Variants in ARL10 observed in about 807,000 individuals in gnomAD.
ARL10 encodes the protein ADP-ribosylation factor-like protein 10.
Under a neutral mutation model 26.1 loss-of-function variants are expected in ARL10, and 23 were observed. The observed-to-expected ratio is 0.88, with a 90% CI of 0.63 to 1.25. The LOEUF is 1.25. Among genes scored for constraint, ARL10 ranks in the 50% most tolerant of loss-of-function variants. The probability of loss-of-function intolerance (pLI) is 0.00; values close to 1 mark genes in which losing one functional copy is unlikely to be tolerated. For synonymous variants in ARL10, 138 were observed against 149.1 expected (o/e 0.93, Z 0.54); for missense variants, 300 against 323.6 (o/e 0.93, Z 0.56).
At chr5:176,366,623 G>T (rs747684163) in intron 2 of ARL10, 42 bp downstream of exon 2, 2 of 1,605,732 alleles carry the variant, frequency 1.2e-6, no homozygotes, top group South Asian at 2.2e-5. Flanking sequence ...TCCTCTACTG[G>T]ACCAGTCCTG....
At chr5:176,389,054 G>T (rs1756143029), downstream of ARL10, 2 of 1,551,274 alleles carry the variant, frequency 1.3e-6, no homozygotes, top group Middle Eastern at 3.4e-4. Context: ...CAGAGCGCTA[G>T]CGGGGAGCGG....
chr5:176,393,037 G>A (rs1246700495), downstream of ARL10: 6 of 1,406,340 alleles, frequency 4.3e-6, no homozygotes, highest in Non-Finnish European at 6.0e-6. This position sits in a 1 kb window ranked among gnomAD's most constrained non-coding sequence, Gnocchi z 4.4. Flanking sequence ...CTACTCTGGG[G>A]CACTGTGTCC....
chr5:176,384,568 CTT>C (rs1157088155), downstream of ARL10: 5 of 605,210 alleles, frequency 8.3e-6, no homozygotes, highest in Non-Finnish European at 1.4e-5. Flanking sequence ...GGGAGGATCT[CTT>C]GAGCCCAGGA....
the ARL10 span, among the ~76,000 whole-genome samples, chr5:176,408,810 G>A: frequency 6.6e-5 from 10 of 152,198 alleles, no homozygotes; most frequent in Non-Finnish European, 1.3e-4. Flanking sequence ...GTAAGCCGCC[G>A]TGCCCGGCTG....
downstream of ARL10, chr5:176,388,986 G>A (rs576769278): frequency 1.9e-6 from 3 of 1,613,520 alleles, no homozygotes; most frequent in African/African-American, 1.3e-5. Context: ...AAGTGGGTGC[G>A]GTAGGAACTG....
At chr5:176,367,100 C>T (rs1300626096) in intron 2 of ARL10, among the ~76,000 whole-genome samples, 1 of 151,028 alleles carries the variant, frequency 6.6e-6, no homozygotes, top group Non-Finnish European at 1.5e-5. Flanking sequence ...CTCCTCCTCC[C>T]GGGTTCAAGC....
chr5:176,414,348 T>A, the ARL10 span, among the ~76,000 whole-genome samples: 1 of 152,114 alleles, frequency 6.6e-6, no homozygotes, highest in Non-Finnish European at 1.5e-5. Flanking sequence ...AAGCCCTCCA[T>A]TGCTGTCTCA....
chr5:176,409,053 C>T, the ARL10 span, among the ~76,000 whole-genome samples: 5 of 151,838 alleles, frequency 3.3e-5, no homozygotes, highest in Admixed American at 1.3e-4. Flanking sequence ...CTCGGCTCAC[C>T]GCAACCTCCC....
At chr5:176,393,134 C>T (rs1315883351), downstream of ARL10, among the ~76,000 whole-genome samples, 2 of 152,146 alleles carry the variant, frequency 1.3e-5, no homozygotes, top group Non-Finnish European at 2.9e-5. The surrounding 1 kb of genome is among the most constrained non-coding windows in gnomAD (Gnocchi z 4.4). Flanking sequence ...AGGACCTTGG[C>T]ACTTGCTATC....
At chr5:176,388,588 A>C (rs781235569) in exon 2 of ARL10, 32 of 1,535,366 alleles carry the variant, frequency 2.1e-5, no homozygotes, top group Non-Finnish European at 2.9e-5. Flanking sequence ...TCTGTCTCTC[A>C]GACCTCGTGT....
the ARL10 span, among the ~76,000 whole-genome samples, chr5:176,413,364 A>C: frequency 6.6e-6 from 1 of 152,266 alleles, no homozygotes; most frequent in Non-Finnish European, 1.5e-5. Context: ...CAGGCAAGTC[A>C]GAGCCAGGCC....
chr5:176,397,882 C>A, intron 1 of ARL10: 5 of 1,546,230 alleles, frequency 3.2e-6, no homozygotes, highest in Non-Finnish European at 4.5e-6. Context: ...CCACACTCCA[C>A]CCCACACACA....
downstream of ARL10, chr5:176,406,297 G>A: frequency 9.5e-7 from 1 of 1,055,998 alleles, no homozygotes; most frequent in Non-Finnish European, 1.1e-6. Context: ...CAGAAGGCAG[G>A]AGGCGACAGT....
chr5:176,377,819 G>C lies in ARL10; in HGVS notation c.*5924G>C, dbSNP rs973908990. 1.3e-5 allele frequency: 2 copies of C among 152,256 alleles called. No individual in the cohort carries two copies. Among genetic ancestry groups the C allele is most frequent in the African/African-American group, 4.8e-5 (2 of 41,438 alleles). 9.4% of individuals were successfully genotyped at this position (152,256 alleles called of 1,614,324 possible). A position where few individuals can be genotyped will look rare whatever the true frequency, so the allele number is the denominator to read the frequency against. The stretch of plus-strand genomic sequence containing the variant: ...ACTCTGTCACCCAGGCTGGAATGCA[G>C]TGGTGCAATCATGGCTCACTACAAC... On this transcript the variant is annotated 3_prime_UTR_variant, in exon 4 of 4. Coordinates refer to ENST00000310389, the MANE Select transcript of ARL10 (RefSeq NM_173664.6). The surrounding 1 kb of genome is among the most constrained non-coding windows in gnomAD (Gnocchi z 4.5).
chr5:176,400,925 C>T (rs1756785938), intron 1 of ARL10, among the ~76,000 whole-genome samples: 1 of 152,206 alleles, frequency 6.6e-6, no homozygotes, highest in Non-Finnish European at 1.5e-5. Context: ...ATAGATGGAA[C>T]ATCAGGGCTA....
chr5:176,397,702 G>T, intron 1 of ARL10: 1 of 1,613,812 alleles, frequency 6.2e-7, no homozygotes, highest in Non-Finnish European at 8.5e-7. Flanking sequence ...CCTGTTCCGT[G>T]ACCTTAGATG....
downstream of ARL10, among the ~76,000 whole-genome samples, chr5:176,392,199 A>C (rs1056526890): frequency 8.5e-5 from 13 of 152,170 alleles, no homozygotes; most frequent in Non-Finnish European, 1.6e-4. This position sits in a 1 kb window ranked among gnomAD's most constrained non-coding sequence, Gnocchi z 5.2. Context: ...TCCCACTACA[A>C]GCCACTTCCC....
chr5:176,389,452 C>A (rs763280872), downstream of ARL10: 20 of 1,614,178 alleles, frequency 1.2e-5, no homozygotes, highest in South Asian at 2.0e-4. Context: ...CGGTCGCAGC[C>A]ATCTTGCTGG....
Position 176,375,508 on chromosome 5 carries a change from A to T in ARL10, c.*3613A>T, listed in dbSNP as rs1354123910. On this transcript the variant is annotated 3_prime_UTR_variant, in exon 4 of 4. Transcript: ENST00000310389. ...CCACTGGAATATTTGCTCAGGGGAAACTAACTAATCATCTGTTTCAAGGTT... is the reference window on the plus strand; with the variant it reads ...CCACTGGAATATTTGCTCAGGGGAATCTAACTAATCATCTGTTTCAAGGTT... The T allele has an allele frequency of 6.6e-6, 1 of 152,198 alleles. No individual in the cohort carries two copies. The highest frequency in any genetic ancestry group is 2.4e-5 in the African/African-American group (1 of 41,448). 9.4% of individuals were successfully genotyped at this position (152,198 alleles called of 1,614,324 possible).
Sources: gnomAD v4.1 joint callset for allele counts (sites outside exome capture counted in the v4.1 genomes callset) on GRCh38, gnomAD v4.1.1 for gene constraint, Gnocchi (gnomAD v3.1) non-coding constraint, MANE v1.5 for transcripts, NCBI Gene and HGNC (gene_info 2026-07-23, HGNC 2026-07-21) for gene names.